ASTN2: variants seen among roughly 807,000 people sequenced by gnomAD.
The protein encoded by ASTN2 is astrotactin-2.
A neutral mutation model predicts 139.8 loss-of-function variants in ASTN2; 54 were observed. That is an observed-to-expected ratio of 0.39 (90% confidence interval 0.31 to 0.48). ASTN2 has a LOEUF of 0.48. Among genes scored for constraint, ASTN2 ranks in the 20% least tolerant of loss-of-function variants. The pLI, the probability that ASTN2 is intolerant of heterozygous loss-of-function variation, is 0.95. For missense variants in ASTN2, 1,565 were observed against 1,725.1 expected, an observed-to-expected ratio of 0.91 and a Z score of 1.64; for synonymous variants, 756 against 719.5, an observed-to-expected ratio of 1.05 and a Z score of -0.81.
chr9:116,517,939 C>G (rs1449532252), intron 19 of ASTN2, among the ~76,000 whole-genome samples: 1 of 152,078 alleles, frequency 6.6e-6, no homozygotes, highest in East Asian at 1.9e-4. Flanking sequence ...TTCAAATTAA[C>G]CCAATCCATC....
chr9:116,874,744 T>C (rs1833252769), intron 10 of ASTN2, among the ~76,000 whole-genome samples: 1 of 152,204 alleles, frequency 6.6e-6, no homozygotes, highest in Non-Finnish European at 1.5e-5. Flanking sequence ...AGCCTCGTTT[T>C]ATTGTACCTC....
intron 10 of ASTN2, among the ~76,000 whole-genome samples, chr9:116,948,973 T>C (rs1588434405): frequency 6.6e-6 from 1 of 151,504 alleles, no homozygotes; most frequent in East Asian, 1.9e-4. Context: ...TTATTTTTAG[T>C]AGAGACTGGG....
intron 13 of ASTN2, among the ~76,000 whole-genome samples, chr9:116,791,751 A>C (rs1458036054): frequency 1.3e-5 from 2 of 152,210 alleles, no homozygotes; most frequent in African/African-American, 4.8e-5. Context: ...GAGTGTAATG[A>C]AATTGCGCTT....
In ASTN2 at chr9:116,698,197, AGTTAACTC is replaced by A. The variant is rs749696299; in HGVS notation, c.2806+27566_2806+27573del. ...GAGCGGCGTCGGGACTTTGGAGAGAAGTTAACTCGTCTGCGGGAACTTATGGGGGAGCT... is the reference window on the plus strand; with the variant it reads ...GAGCGGCGTCGGGACTTTGGAGAGAAGTCTGCGGGAACTTATGGGGGAGCT... On this transcript the variant is annotated intron_variant, in intron 16 of 22. Coordinates refer to ENST00000313400, the MANE Select transcript of ASTN2 (RefSeq NM_001365068.1). The surrounding 1 kb of genome is among the most constrained non-coding windows in gnomAD (Gnocchi z 4.4). The A allele has an allele frequency of 5.0e-6, 8 of 1,614,184 alleles. No homozygotes were observed. In the Admixed American group the frequency reaches 1.3e-4, roughly 27 times the overall value.
chr9:117,057,979 A>G (rs1839111615), intron 5 of ASTN2, among the ~76,000 whole-genome samples: 1 of 152,206 alleles, frequency 6.6e-6, no homozygotes, highest in Non-Finnish European at 1.5e-5. Flanking sequence ...AGGGCAAAAC[A>G]TATGAAAGTA....
At chr9:116,968,817 C>T (rs1017630192) in intron 10 of ASTN2, among the ~76,000 whole-genome samples, 19 of 149,622 alleles carry the variant, frequency 1.3e-4, no homozygotes, top group East Asian at 6.0e-4. Context: ...GAGAATAGCT[C>T]GAGCTTGGGA....
At chr9:116,825,276 C>A (rs115160230) in intron 11 of ASTN2, among the ~76,000 whole-genome samples, 3,889 of 152,228 alleles carry the variant, frequency 0.026, 188 homozygotes, top group African/African-American at 0.089. Flanking sequence ...CTGTAGAATG[C>A]AAATAATGTC....
intron 1 of ASTN2, among the ~76,000 whole-genome samples, chr9:117,410,364 A>G (rs1564190241): frequency 6.6e-6 from 1 of 152,138 alleles, no homozygotes; most frequent in Admixed American, 6.5e-5. Flanking sequence ...GTTCCTGCTC[A>G]AATTCTTTCT....
intron 2 of ASTN2, among the ~76,000 whole-genome samples, chr9:117,248,166 T>C (rs889824926): frequency 5.9e-5 from 9 of 152,210 alleles, no homozygotes; most frequent in Non-Finnish European, 2.9e-5. Context: ...TGTAGAGCTA[T>C]AGACAGGAGG....
chr9:116,809,649 C>T (rs1831114103), intron 12 of ASTN2, among the ~76,000 whole-genome samples: 2 of 152,114 alleles, frequency 1.3e-5, no homozygotes, highest in Admixed American at 6.5e-5. Context: ...GGTGGCATTG[C>T]TTTGAATTTG....
intron 7 of ASTN2, among the ~76,000 whole-genome samples, chr9:117,003,953 C>CGTGTGTGTGTGTGT (rs3038371): frequency 8.9e-5 from 13 of 146,280 alleles, no homozygotes; most frequent in African/African-American, 2.9e-4. Flanking sequence ...CGCGCGCGCG[C>CGTGTGTGTGTGTGT]GTGTGTGTGT....
At chr9:116,651,914 T>C (rs1857938274) in intron 16 of ASTN2, 121 bp from the exon 17 acceptor site, 1 of 1,231,300 alleles carries the variant, frequency 8.1e-7, no homozygotes, top group Non-Finnish European at 1.1e-6. Context: ...AGTAAAAAGA[T>C]GATAGAGTGA....
At chr9:117,374,369 T>TAAAAAA (rs57428022) in intron 1 of ASTN2, among the ~76,000 whole-genome samples, 2 of 87,324 alleles carry the variant, frequency 2.3e-5, no homozygotes, top group African/African-American at 1.1e-4. Context: ...AGGGCAGGGT[T>TAAAAAA]AAAAAAAAAA....
chr9:116,748,332 AG>A (rs906664870), intron 13 of ASTN2, among the ~76,000 whole-genome samples: 1 of 151,994 alleles, frequency 6.6e-6, no homozygotes, highest in Non-Finnish European at 1.5e-5. Flanking sequence ...CTCCTTGATG[AG>A]GGGGCACCTC....
At chr9:117,151,445 G>A (rs1239374414) in intron 3 of ASTN2, among the ~76,000 whole-genome samples, 3 of 152,110 alleles carry the variant, frequency 2.0e-5, no homozygotes, top group East Asian at 1.9e-4. Context: ...GCCAGGCACT[G>A]GGGACACAGT....
intron 13 of ASTN2, among the ~76,000 whole-genome samples, chr9:116,789,022 C>A (rs1198154913): frequency 6.6e-6 from 1 of 152,118 alleles, no homozygotes; most frequent in Non-Finnish European, 1.5e-5. Flanking sequence ...TTTGCAAATA[C>A]AGCTGCAAAA....
chr9:117,216,317 G>T (rs1315304351), intron 2 of ASTN2, among the ~76,000 whole-genome samples: 3 of 152,238 alleles, frequency 2.0e-5, no homozygotes, highest in Admixed American at 2.0e-4. Context: ...CTCCACAGAG[G>T]TAGGGGGACT....
chr9:116,697,335 C>A, intron 16 of ASTN2: 1 of 231,824 alleles, frequency 4.3e-6, no homozygotes, highest in Non-Finnish European at 8.7e-6. Context: ...TTATAATAAC[C>A]ATATAAGGCA....
At chr9:116,756,411 A>G (rs1369190504) in intron 13 of ASTN2, among the ~76,000 whole-genome samples, 9 of 152,214 alleles carry the variant, frequency 5.9e-5, no homozygotes, top group Non-Finnish European at 1.3e-4. Context: ...TTTAAATGAT[A>G]TAAGTAACAC....
Sources: allele counts gnomAD v4.1 joint callset (sites outside exome capture counted in the v4.1 genomes callset), GRCh38; gene constraint gnomAD v4.1.1; non-coding constraint Gnocchi (gnomAD v3.1); transcripts MANE v1.5; gene names NCBI Gene and HGNC (gene_info 2026-07-23, HGNC 2026-07-21).